Variants in C12orf42 observed in about 807,000 individuals in gnomAD.
C12orf42 encodes uncharacterized protein C12orf42.
C12orf42 carries 25 observed loss-of-function variants against 21.6 expected under a neutral mutation model. The observed-to-expected ratio is 1.16, with a 90% CI of 0.84 to 1.62. The LOEUF (loss-of-function observed/expected upper bound fraction) is 1.62. C12orf42 is among the 40% of genes most tolerant of loss of function. The probability of loss-of-function intolerance (pLI) is 0.00; values close to 1 mark genes in which losing one functional copy is unlikely to be tolerated. For synonymous variants in C12orf42, 174 were observed against 175.0 expected (o/e 0.99, Z 0.05); for missense variants, 483 against 459.3 (o/e 1.05, Z -0.47).
At chr12:103,373,097 T>C (rs2045401892) in intron 3 of C12orf42, among the ~76,000 whole-genome samples, 1 of 152,126 alleles carries the variant, frequency 6.6e-6, no homozygotes. Flanking sequence ...TTTTAGTTGA[T>C]TCACTGCCTG....
intron 1 of C12orf42, among the ~76,000 whole-genome samples, chr12:103,490,927 C>T (rs1279885120): frequency 6.6e-6 from 1 of 151,832 alleles, no homozygotes; most frequent in African/African-American, 2.4e-5. Flanking sequence ...AGTAGCATAC[C>T]TTACATTGAT....
chr12:103,147,787 T>C, the C12orf42 span, among the ~76,000 whole-genome samples: 1 of 151,898 alleles, frequency 6.6e-6, no homozygotes, highest in African/African-American at 2.4e-5. Flanking sequence ...TTGAAAAACC[T>C]TGTTCAACCA....
At chr12:103,103,544 A>G in the C12orf42 span, among the ~76,000 whole-genome samples, 1 of 152,218 alleles carries the variant, frequency 6.6e-6, no homozygotes, top group Non-Finnish European at 1.5e-5. Context: ...ATGTACCACT[A>G]TCTGTTAGAT....
the C12orf42 span, among the ~76,000 whole-genome samples, chr12:103,172,444 C>T: frequency 6.6e-6 from 1 of 152,056 alleles, no homozygotes; most frequent in Non-Finnish European, 1.5e-5. Flanking sequence ...TGTCAGTTTC[C>T]TTTGGTCTGC....
At chr12:103,558,064 T>A in the C12orf42 span, 1 of 152,188 alleles carries the variant, frequency 6.6e-6, no homozygotes. Flanking sequence ...CTCCAAAATA[T>A]GTTTTAGATC....
chr12:103,443,439 A>C (rs1428897835), intron 2 of C12orf42, among the ~76,000 whole-genome samples: 2 of 152,228 alleles, frequency 1.3e-5, no homozygotes, highest in Middle Eastern at 3.4e-3. Context: ...ACAATCTGCT[A>C]GTGGGTGGCA....
chr12:103,345,542 G>A (rs1329691928), intron 4 of C12orf42, among the ~76,000 whole-genome samples: 3 of 152,116 alleles, frequency 2.0e-5, no homozygotes, highest in Non-Finnish European at 4.4e-5. Flanking sequence ...TTGCCTCTGT[G>A]CAGAACTTTG....
At chr12:103,284,093 C>T (rs1051429923) in intron 4 of C12orf42, among the ~76,000 whole-genome samples, 1 of 152,130 alleles carries the variant, frequency 6.6e-6, no homozygotes, top group African/African-American at 2.4e-5. Flanking sequence ...CCAAGTTCTA[C>T]TACACCTGAG....
intron 1 of C12orf42, among the ~76,000 whole-genome samples, chr12:103,489,289 A>G (rs1466968845): frequency 6.6e-6 from 1 of 152,240 alleles, no homozygotes; most frequent in Non-Finnish European, 1.5e-5. Flanking sequence ...GCTGCAGAAC[A>G]GCAAATAATG....
intron 3 of C12orf42, among the ~76,000 whole-genome samples, chr12:103,394,630 C>T (rs2047359922): frequency 6.6e-6 from 1 of 152,138 alleles, no homozygotes; most frequent in African/African-American, 2.4e-5. Context: ...TTTTTTTCCA[C>T]AAATACTAAC....
At chr12:103,497,892 G>T (rs752263016), upstream of C12orf42, among the ~76,000 whole-genome samples, 2 of 152,080 alleles carry the variant, frequency 1.3e-5, no homozygotes, top group African/African-American at 4.8e-5. Context: ...AAAATTAGCC[G>T]GGTGTGGTGG....
the C12orf42 span, chr12:103,503,944 C>G: frequency 2.3e-4 from 36 of 154,518 alleles, no homozygotes; most frequent in Non-Finnish European, 4.5e-4. Flanking sequence ...GTGTCTAGTC[C>G]TCCTCTAGTC....
the C12orf42 span, among the ~76,000 whole-genome samples, chr12:103,108,897 A>G: frequency 2.6e-5 from 4 of 152,192 alleles, no homozygotes; most frequent in Non-Finnish European, 5.9e-5. Context: ...CCAAGCAAAG[A>G]TGTGAAAGCT....
the C12orf42 span, among the ~76,000 whole-genome samples, chr12:103,076,767 G>GCATTCACCAAGTACTAGAT: frequency 6.6e-6 from 1 of 152,098 alleles, no homozygotes; most frequent in East Asian, 1.9e-4. Flanking sequence ...TGTTTGCTAA[G>GCATTCACCAAGTACTAGAT]TGCTTTATAA....
At chr12:103,149,805 G>A in the C12orf42 span, among the ~76,000 whole-genome samples, 1 of 152,060 alleles carries the variant, frequency 6.6e-6, no homozygotes, top group Non-Finnish European at 1.5e-5. Flanking sequence ...ACCCAGTCTT[G>A]GGTATTTCTT....
chr12:103,554,742 C>T, the C12orf42 span, among the ~76,000 whole-genome samples: 10 of 152,124 alleles, frequency 6.6e-5, no homozygotes, highest in East Asian at 1.9e-4. Context: ...AGGTGCTACA[C>T]GCTTTCAAAC....
At chr12:103,372,573 T>C (rs892681212) in intron 3 of C12orf42, among the ~76,000 whole-genome samples, 3 of 152,126 alleles carry the variant, frequency 2.0e-5, no homozygotes, top group African/African-American at 7.2e-5. Flanking sequence ...TGGATCAGGA[T>C]CTGAATTTTA....
At chr12:103,272,933 T>G (rs2035554990) in intron 5 of C12orf42, among the ~76,000 whole-genome samples, 1 of 152,166 alleles carries the variant, frequency 6.6e-6, no homozygotes, top group South Asian at 2.1e-4. Context: ...TTTTCCAGAC[T>G]CTCCGCTTCT....
At chr12:103,515,039 C>T in the C12orf42 span, among the ~76,000 whole-genome samples, 1 of 152,090 alleles carries the variant, frequency 6.6e-6, no homozygotes, top group Non-Finnish European at 1.5e-5. Context: ...AGGCCAGGGA[C>T]ACTGCTAAAC....
Sources: gnomAD v4.1 joint callset for allele counts (sites outside exome capture counted in the v4.1 genomes callset) on GRCh38, gnomAD v4.1.1 for gene constraint, MANE v1.5 for transcripts, NCBI Gene and HGNC (gene_info 2026-07-23, HGNC 2026-07-21) for gene names.